BICD2: variants seen among roughly 807,000 people sequenced by gnomAD.
BICD2 encodes BICD cargo adaptor 2, also known as protein bicaudal D homolog 2.
BICD2 carries 25 observed loss-of-function variants against 72.9 expected under a neutral mutation model. The observed-to-expected ratio is 0.34, with a 90% CI of 0.25 to 0.48. BICD2 has a LOEUF of 0.48. BICD2 is among the 20% of genes least tolerant of loss of function. The pLI, the probability that BICD2 is intolerant of heterozygous loss-of-function variation, is 0.99. For synonymous variants in BICD2, 501 were observed against 516.1 expected, an observed-to-expected ratio of 0.97 and a Z score of 0.40; for missense variants, 894 against 1,175.2, an observed-to-expected ratio of 0.76 and a Z score of 3.50.
chr9:92,729,775 T>C (rs1270135904), intron 1 of BICD2, among the ~76,000 whole-genome samples: 1 of 152,212 alleles, frequency 6.6e-6, no homozygotes, highest in Admixed American at 6.5e-5. Context: ...GCCAGCACAG[T>C]GTACCACCCA....
chr9:92,725,243 T>C (rs1853544327), intron 2 of BICD2, among the ~76,000 whole-genome samples: 1 of 152,160 alleles, frequency 6.6e-6, no homozygotes, highest in Non-Finnish European at 1.5e-5. Flanking sequence ...CCAGGCAAGG[T>C]GTACTAGGAG....
intron 1 of BICD2, among the ~76,000 whole-genome samples, chr9:92,758,189 G>A: frequency 6.8e-6 from 1 of 147,282 alleles, no homozygotes; most frequent in South Asian, 2.2e-4. Flanking sequence ...GGGCAACAGA[G>A]CTAGACTCTG....
At chr9:92,734,884 CACA>C (rs1012121182) in intron 1 of BICD2, among the ~76,000 whole-genome samples, 21 of 152,324 alleles carry the variant, frequency 1.4e-4, no homozygotes, top group East Asian at 7.7e-4. Context: ...CACCCGTGCC[CACA>C]ACTTCTCCAG....
In BICD2 at chr9:92,714,738, G is replaced by A; in HGVS notation, c.*416C>T. On this transcript the variant is annotated 3_prime_UTR_variant, in exon 7 of 7. Transcript: ENST00000356884. ...GAACCTCCTAAAACTGCTTTCTAGT[G>A]CTGACATTAGACACATGCGAGGAAC... 1.0e-6 allele frequency: 1 copy of A among 1,001,952 alleles called. No homozygotes were observed. Among genetic ancestry groups the A allele is most frequent in the Non-Finnish European group, 1.2e-6 (1 of 841,522 alleles). The allele number at this position is 1,001,952 out of a possible 1,614,324, so 62.1% of individuals were successfully genotyped here.
At chr9:92,729,375 G>C in intron 1 of BICD2, 139 bp from the exon 2 acceptor site, 1 of 865,642 alleles carries the variant, frequency 1.2e-6, no homozygotes, top group Non-Finnish European at 1.8e-6. Context: ...GAGGCCCCCT[G>C]ACCTGGGAGG....
At chr9:92,731,025 A>G (rs905072380) in intron 1 of BICD2, among the ~76,000 whole-genome samples, 3 of 152,236 alleles carry the variant, frequency 2.0e-5, no homozygotes, top group Non-Finnish European at 4.4e-5. Context: ...ACCCCGGGCC[A>G]CAAGAAGGGA....
At chr9:92,759,272 C>G (rs578189007) in intron 1 of BICD2, among the ~76,000 whole-genome samples, 1 of 152,208 alleles carries the variant, frequency 6.6e-6, no homozygotes, top group East Asian at 1.9e-4. Flanking sequence ...ACATCACACA[C>G]TCACAAGGGA....
chr9:92,764,461 C>T lies in BICD2; in HGVS notation c.240+44G>A. 6.9e-7 allele frequency: 1 copy of T among 1,450,288 alleles called. No homozygotes were observed. Among genetic ancestry groups the T allele is most frequent in the Non-Finnish European group, 9.1e-7 (1 of 1,094,878 alleles). 89.8% of individuals were successfully genotyped at this position (1,450,288 alleles called of 1,614,324 possible). A position where few individuals can be genotyped will look rare whatever the true frequency, so the allele number is the denominator to read the frequency against. ...GGTGCCAGGGACGACGCCCACAGGC[C>T]CCGGCGCCGGGCGGGGGTCGCAGGG... On this transcript the variant is annotated intron_variant, in intron 1 of 6. Coordinates refer to ENST00000356884, the MANE Select transcript of BICD2 (RefSeq NM_001003800.2). This position sits in a 1 kb window ranked among gnomAD's most constrained non-coding sequence, Gnocchi z 5.5.
chr9:92,730,306 TC>T (rs983984679), intron 1 of BICD2, among the ~76,000 whole-genome samples: 6 of 152,204 alleles, frequency 3.9e-5, no homozygotes, highest in African/African-American at 1.4e-4. Context: ...GGCTTTGTTT[TC>T]CTAAAAGAGA....
intron 1 of BICD2, among the ~76,000 whole-genome samples, chr9:92,736,709 T>G (rs1853794854): frequency 6.6e-6 from 1 of 152,224 alleles, no homozygotes; most frequent in Admixed American, 6.5e-5. Flanking sequence ...GGGATCTGGA[T>G]CAGCACCACT....
At chr9:92,755,926 A>ATT (rs1453205265) in intron 1 of BICD2, among the ~76,000 whole-genome samples, 2 of 152,228 alleles carry the variant, frequency 1.3e-5, no homozygotes, top group Non-Finnish European at 2.9e-5. Flanking sequence ...CACTGGCCTA[A>ATT]AACAAGGAAA....
Position 92,719,083 on chromosome 9 carries a change from C to G in BICD2, c.1562G>C (p.Ser521Thr). 6.2e-7 allele frequency: 1 copy of G among 1,613,110 alleles called. No homozygotes were observed. Among genetic ancestry groups the G allele is most frequent in the Non-Finnish European group, 8.5e-7 (1 of 1,179,986 alleles). ...DVAGETQGSLSVAQDELVTFS... is the reference protein window; with the variant it reads ...DVAGETQGSLTVAQDELVTFS... Reference sequence around the variant, plus strand: ...GGTCACCAGCTCATCCTGGGCCACACTCAGGCTGCCCTGTGTCTCGCCGGC... The same window carrying G: ...GGTCACCAGCTCATCCTGGGCCACAGTCAGGCTGCCCTGTGTCTCGCCGGC... The change falls in exon 5 of 7, where the codon AGT becomes ACT. Residue 521 changes from serine to threonine, a missense_variant. Ser to Thr is a moderately conservative substitution (Grantham distance 58). Coordinates refer to ENST00000356884, the MANE Select transcript of BICD2 (RefSeq NM_001003800.2).
intron 3 of BICD2, among the ~76,000 whole-genome samples, chr9:92,721,017 TG>T (rs1233101124): frequency 6.6e-6 from 1 of 152,170 alleles, no homozygotes; most frequent in African/African-American, 2.4e-5. Flanking sequence ...CACCCACCGC[TG>T]GGACCAGCAG....
Position 92,720,467 on chromosome 9 carries a change from G to C in BICD2, c.895C>G (p.Leu299Val), listed in dbSNP as rs1421298090. Residue 299 changes from leucine to valine, a missense_variant, in exon 4 of 7, where the codon CTG becomes GTG. Physicochemically the swap from Leu to Val is conservative, Grantham distance 32. Coordinates refer to ENST00000356884, the MANE Select transcript of BICD2 (RefSeq NM_001003800.2). This position sits in a 1 kb window ranked among gnomAD's most constrained non-coding sequence, Gnocchi z 5.4. ...CCGCCGTGCTCAAAGCCATTGACCAGGGCCTCGGCATCGTTGTTGGGCTCG... is the reference window on the plus strand; with the variant it reads ...CCGCCGTGCTCAAAGCCATTGACCACGGCCTCGGCATCGTTGTTGGGCTCG... ...AAEPNNDAEA[L>V]VNGFEHGGLA... 2.5e-6 allele frequency: 4 copies of C among 1,614,210 alleles called. No homozygotes were observed. The South Asian group carries it at 4.4e-5, about 18-fold the overall frequency.
intron 1 of BICD2, among the ~76,000 whole-genome samples, chr9:92,763,259 A>T (rs1344767434): frequency 6.6e-6 from 1 of 152,130 alleles, no homozygotes; most frequent in Non-Finnish European, 1.5e-5. Flanking sequence ...GGGGGAGGCA[A>T]GGAAGGCTGC....
chr9:92,751,791 G>C (rs955355569), intron 1 of BICD2, among the ~76,000 whole-genome samples: 3 of 150,654 alleles, frequency 2.0e-5, no homozygotes, highest in Non-Finnish European at 4.4e-5. Context: ...ACATGGGTTA[G>C]TATACACTAA....
intron 1 of BICD2, among the ~76,000 whole-genome samples, chr9:92,744,216 G>C (rs1184849978): frequency 6.6e-6 from 1 of 152,204 alleles, no homozygotes; most frequent in African/African-American, 2.4e-5. Context: ...GTGGCAACGA[G>C]TGCCAATAAC....
At chr9:92,742,791 T>A (rs991969816) in intron 1 of BICD2, among the ~76,000 whole-genome samples, 4 of 152,242 alleles carry the variant, frequency 2.6e-5, no homozygotes, top group South Asian at 2.1e-4. Flanking sequence ...TCCATCTCTA[T>A]GAATGTGTCT....
At position 92,712,720 on chromosome 9, in the gene BICD2, G is replaced by A. The variant is rs1476586464; in HGVS notation, c.*2434C>T. The A allele has an allele frequency of 1.3e-5, 2 of 151,916 alleles. No individual in the cohort carries two copies. Among genetic ancestry groups the A allele is most frequent in the East Asian group, 1.9e-4 (1 of 5,170 alleles). 9.4% of individuals were successfully genotyped at this position (151,916 alleles called of 1,614,324 possible). Reference sequence around the variant, plus strand: ...TATTACTGTTTTAACCAGAGCAAAGGTCAAGTTTTCTTCTTGTTACATTGA... The same window carrying A: ...TATTACTGTTTTAACCAGAGCAAAGATCAAGTTTTCTTCTTGTTACATTGA... On this transcript the variant is annotated 3_prime_UTR_variant, in exon 7 of 7. Coordinates refer to ENST00000356884, the MANE Select transcript of BICD2 (RefSeq NM_001003800.2).
Sources: gnomAD v4.1 joint callset for allele counts (sites outside exome capture counted in the v4.1 genomes callset) on GRCh38, gnomAD v4.1.1 for gene constraint, Gnocchi (gnomAD v3.1) non-coding constraint, MANE v1.5 for transcripts, NCBI Gene and HGNC (gene_info 2026-07-23, HGNC 2026-07-21) for gene names.